The following TLE1 variants were observed in gnomAD, a reference collection of about 807,000 sequenced individuals.
The protein encoded by TLE1 is transducin-like enhancer protein 1.
A neutral mutation model predicts 89.8 loss-of-function variants in TLE1; 21 were observed. The ratio of observed to expected loss-of-function variants is 0.23; its 90% CI spans 0.17 to 0.34. The LOEUF (loss-of-function observed/expected upper bound fraction) is 0.34. TLE1 is among the 10% of genes least tolerant of loss of function. TLE1 has a pLI of 1.00. For synonymous variants in TLE1, 447 were observed against 407.6 expected (o/e 1.10, Z -1.16); for missense variants, 795 against 1,031.2 (o/e 0.77, Z 3.14).
chr9:81,584,969 T>C (rs78052752), intron 18 of TLE1, among the ~76,000 whole-genome samples: 13,116 of 147,774 alleles, frequency 0.089, 755 homozygotes, highest in Middle Eastern at 0.13. Flanking sequence ...CATCCACCCA[T>C]CCATCCATCC....
chr9:81,616,219 G>A lies in TLE1; in HGVS notation c.766-85C>T, dbSNP rs191256488. 7.8e-5 allele frequency: 118 copies of A among 1,508,726 alleles called. 1 individual carries two copies. The African/African-American group carries it at 1.4e-3, about 17-fold the overall frequency. 93.5% of individuals were successfully genotyped at this position (1,508,726 alleles called of 1,614,324 possible). On this transcript the variant is annotated intron_variant, in intron 10 of 19. Transcript: ENST00000376499. ...TTCCACACTCATTCTCTAAATTTAA[G>A]GACAGAGCTGAAAGTCCTTCGGGTT...
chr9:81,607,350 A>ACC (rs1428391791), intron 14 of TLE1, among the ~76,000 whole-genome samples: 1 of 151,736 alleles, frequency 6.6e-6, no homozygotes, highest in African/African-American at 2.4e-5. Context: ...ACACACACAC[A>ACC]CACACATATA....
intron 4 of TLE1, among the ~76,000 whole-genome samples, chr9:81,681,248 T>C (rs2133111550): frequency 6.6e-6 from 1 of 152,298 alleles, no homozygotes; most frequent in South Asian, 2.1e-4. Flanking sequence ...TTTTCATTTA[T>C]TTTTAAATGC....
chr9:81,685,551 A>C, intron 4 of TLE1, 125 bp downstream of exon 4: 1 of 908,066 alleles, frequency 1.1e-6, no homozygotes, highest in Non-Finnish European at 1.7e-6. Flanking sequence ...ACAGGACAGG[A>C]AACCAAGGCA....
At chr9:81,626,025 C>T (rs907307423) in intron 8 of TLE1, among the ~76,000 whole-genome samples, 1 of 151,776 alleles carries the variant, frequency 6.6e-6, no homozygotes, top group African/African-American at 2.4e-5. Context: ...AACTTCTCTG[C>T]CAACAAGTTC....
intron 8 of TLE1, among the ~76,000 whole-genome samples, chr9:81,629,646 G>GTT (rs1826327082): frequency 6.6e-6 from 1 of 152,196 alleles, no homozygotes; most frequent in Non-Finnish European, 1.5e-5. Context: ...CGAATAGTGT[G>GTT]TTTACACAAA....
At chr9:81,638,930 T>C (rs979863441) in intron 6 of TLE1, among the ~76,000 whole-genome samples, 3 of 151,668 alleles carry the variant, frequency 2.0e-5, no homozygotes, top group African/African-American at 7.3e-5. Flanking sequence ...AGCCGATACA[T>C]GCATTTTTTT....
At chr9:81,626,196 GA>G (rs1825885483) in intron 8 of TLE1, among the ~76,000 whole-genome samples, 1 of 152,106 alleles carries the variant, frequency 6.6e-6, no homozygotes, top group Non-Finnish European at 1.5e-5. Context: ...CTCCCCGCAG[GA>G]AAAGTGTTTG....
intron 14 of TLE1, among the ~76,000 whole-genome samples, chr9:81,601,081 T>C (rs1830860996): frequency 6.6e-6 from 1 of 152,228 alleles, no homozygotes; most frequent in Non-Finnish European, 1.5e-5. Flanking sequence ...AGTTTATTGG[T>C]TCTGTTTCTC....
chr9:81,601,996 C>T (rs1460698832), intron 14 of TLE1, among the ~76,000 whole-genome samples: 1 of 152,154 alleles, frequency 6.6e-6, no homozygotes, highest in Non-Finnish European at 1.5e-5. Flanking sequence ...GATTATAATC[C>T]AAGCTCTCAA....
At chr9:81,650,139 C>T (rs1222991448) in intron 6 of TLE1, among the ~76,000 whole-genome samples, 1 of 152,154 alleles carries the variant, frequency 6.6e-6, no homozygotes, top group African/African-American at 2.4e-5. Flanking sequence ...CAACATTTTT[C>T]CTGGACTAAA....
intron 4 of TLE1, among the ~76,000 whole-genome samples, chr9:81,673,521 C>A (rs1193770344): frequency 1.1e-4 from 16 of 152,186 alleles, no homozygotes; most frequent in Admixed American, 9.8e-4. Context: ...CACAGCTATC[C>A]CTCAGAGCGC....
chr9:81,610,865 C>T (rs377146765), intron 13 of TLE1, among the ~76,000 whole-genome samples: 8 of 151,502 alleles, frequency 5.3e-5, no homozygotes, highest in African/African-American at 9.7e-5. Context: ...AGGATTCATA[C>T]ATGGATTCCC....
intron 8 of TLE1, among the ~76,000 whole-genome samples, chr9:81,630,204 C>T (rs1040144663): frequency 6.6e-6 from 1 of 151,696 alleles, no homozygotes; most frequent in Non-Finnish European, 1.5e-5. Flanking sequence ...GTCCGAGGAT[C>T]CCTTAAGGGT....
At chr9:81,598,923 G>A (rs1313092217) in intron 14 of TLE1, among the ~76,000 whole-genome samples, 1 of 152,176 alleles carries the variant, frequency 6.6e-6, no homozygotes, top group Non-Finnish European at 1.5e-5. Flanking sequence ...TCTGGGCCCT[G>A]GAAAGCAGGA....
intron 4 of TLE1, among the ~76,000 whole-genome samples, chr9:81,671,269 T>C (rs879765094): frequency 6.6e-5 from 10 of 152,036 alleles, no homozygotes; most frequent in Admixed American, 6.6e-4. Context: ...ATCCCAGCAC[T>C]TTGGAAGGCT....
At chr9:81,624,171 T>G (rs1178323493) in intron 8 of TLE1, among the ~76,000 whole-genome samples, 2 of 152,370 alleles carry the variant, frequency 1.3e-5, no homozygotes, top group South Asian at 4.1e-4. Flanking sequence ...TGACGCATGG[T>G]TTCTCTGACC....
chr9:81,618,158 T>C (rs930359252), intron 9 of TLE1, among the ~76,000 whole-genome samples: 5 of 152,200 alleles, frequency 3.3e-5, no homozygotes, highest in South Asian at 2.1e-4. Context: ...TTATACAATG[T>C]AGGCATATGG....
intron 16 of TLE1, among the ~76,000 whole-genome samples, chr9:81,590,358 G>T (rs959803240): frequency 6.6e-6 from 1 of 152,182 alleles, no homozygotes; most frequent in African/African-American, 2.4e-5. Flanking sequence ...TCATTTTGTA[G>T]GCAAAATTCA....
Sources: allele counts gnomAD v4.1 joint callset (sites outside exome capture counted in the v4.1 genomes callset), GRCh38; gene constraint gnomAD v4.1.1; transcripts MANE v1.5; gene names NCBI Gene and HGNC (gene_info 2026-07-23, HGNC 2026-07-21).